PDCD6: variants seen among roughly 807,000 people sequenced by gnomAD.
PDCD6 encodes the protein programmed cell death 6, also known as programmed cell death protein 6.
PDCD6 carries 12 observed loss-of-function variants against 28.3 expected under a neutral mutation model. The observed-to-expected ratio is 0.42, with a 90% CI of 0.27 to 0.69. The LOEUF (loss-of-function observed/expected upper bound fraction) is 0.69, where lower values mean the gene tolerates loss of function less well. Among genes scored for constraint, PDCD6 ranks in the 30% least tolerant of loss-of-function variants. The pLI, the probability that PDCD6 is intolerant of heterozygous loss-of-function variation, is 0.22. For missense variants in PDCD6, 226 were observed against 269.9 expected, an observed-to-expected ratio of 0.84 and a Z score of 1.14; for synonymous variants, 92 against 108.0, an observed-to-expected ratio of 0.85 and a Z score of 0.92.
intron 2 of PDCD6, 153 bp downstream of exon 2, chr5:272,925 T>G: frequency 7.4e-7 from 1 of 1,354,122 alleles, no homozygotes; most frequent in South Asian, 1.3e-5. Context: ...TGCTTCTGGT[T>G]TATTTTGTGG....
At chr5:274,504 G>A (rs889502194) in intron 2 of PDCD6, among the ~76,000 whole-genome samples, 1 of 152,210 alleles carries the variant, frequency 6.6e-6, no homozygotes, top group African/African-American at 2.4e-5. Flanking sequence ...TGCATGCGAG[G>A]TGTTTCCGTG....
intron 2 of PDCD6, among the ~76,000 whole-genome samples, chr5:287,610 C>T (rs1360741251): frequency 1.3e-5 from 2 of 152,138 alleles, no homozygotes; most frequent in African/African-American, 4.8e-5. Context: ...TACATCTTTT[C>T]AATCAGTTAG....
At chr5:299,852 A>AT (rs542188646) in intron 2 of PDCD6, among the ~76,000 whole-genome samples, 22,288 of 149,426 alleles carry the variant, frequency 0.15, 5,140 homozygotes, top group African/African-American at 0.5. Flanking sequence ...CCCAGCTGGT[A>AT]TTTTTTTTTT....
intron 4 of PDCD6, chr5:310,021 GTGCACACCAGTGATGGCCTCTGTCCCCCA>G (rs1740802068): frequency 3.8e-6 from 1 of 265,252 alleles, no homozygotes; most frequent in Admixed American, 6.1e-5. Flanking sequence ...CGCCGTCCCC[GTGCACACCAGTGATGGCCTCTGTCCCCCA>G]TGCACTCCCA....
intron 2 of PDCD6, among the ~76,000 whole-genome samples, chr5:279,388 G>C (rs1021004784): frequency 6.6e-6 from 1 of 152,096 alleles, no homozygotes; most frequent in Non-Finnish European, 1.5e-5. Context: ...TTTTCCCCAC[G>C]AGATATGCGT....
At chr5:279,797 A>C (rs187606385) in intron 2 of PDCD6, among the ~76,000 whole-genome samples, 11 of 148,832 alleles carry the variant, frequency 7.4e-5, no homozygotes, top group East Asian at 3.9e-4. Flanking sequence ...AAAAAAAAAA[A>C]AAAAAAAAAC....
At chr5:311,480 A>G in intron 5 of PDCD6, 78 bp downstream of exon 5, 1 of 918,904 alleles carries the variant, frequency 1.1e-6, no homozygotes, top group Non-Finnish European at 1.8e-6. Context: ...CTGACCTTCA[A>G]TCTAAGGAGC....
At chr5:290,551 G>A (rs986039173) in intron 2 of PDCD6, among the ~76,000 whole-genome samples, 1 of 152,190 alleles carries the variant, frequency 6.6e-6, no homozygotes, top group Admixed American at 6.5e-5. Flanking sequence ...ATGGCGCCTG[G>A]CACGTCACCC....
At chr5:274,660 T>G (rs930978146) in intron 2 of PDCD6, among the ~76,000 whole-genome samples, 1 of 152,154 alleles carries the variant, frequency 6.6e-6, no homozygotes, top group Non-Finnish European at 1.5e-5. Context: ...GGTTTCCACT[T>G]ACTCAACACT....
At chr5:299,398 G>GCC (rs1435393621) in intron 2 of PDCD6, among the ~76,000 whole-genome samples, 74 of 149,826 alleles carry the variant, frequency 4.9e-4, no homozygotes, top group African/African-American at 1.8e-3. Flanking sequence ...ACCGTGATCA[G>GCC]CCCATCGGTT....
chr5:303,943 G>A (rs1740300181), intron 2 of PDCD6, among the ~76,000 whole-genome samples: 1 of 151,678 alleles, frequency 6.6e-6, no homozygotes, highest in Admixed American at 6.5e-5. Flanking sequence ...GGACGGCCTT[G>A]GAGGTCTGGG....
At chr5:302,985 G>GA (rs1376802316) in intron 2 of PDCD6, among the ~76,000 whole-genome samples, 4 of 152,260 alleles carry the variant, frequency 2.6e-5, no homozygotes, top group Non-Finnish European at 4.4e-5. Context: ...GGGAAGTTGG[G>GA]AGGTGCTCAG....
chr5:285,597 C>T (rs2126708685), intron 2 of PDCD6, among the ~76,000 whole-genome samples: 1 of 150,340 alleles, frequency 6.7e-6, no homozygotes, highest in East Asian at 2.0e-4. Context: ...GAGGGCCCTG[C>T]AGCTGGAGAC....
intron 4 of PDCD6, chr5:309,115 C>G (rs547769111): frequency 1.3e-5 from 2 of 152,454 alleles, no homozygotes; most frequent in African/African-American, 4.8e-5. Context: ...CCCAGGGAGC[C>G]TCAGCCTGTT....
intron 2 of PDCD6, among the ~76,000 whole-genome samples, chr5:286,204 C>T (rs573917134): frequency 3.1e-4 from 45 of 147,200 alleles, no homozygotes; most frequent in African/African-American, 8.9e-4. Flanking sequence ...GCTGATGTTC[C>T]GGTTTGAGGG....
At chr5:279,803 A>C (rs1465377815) in intron 2 of PDCD6, among the ~76,000 whole-genome samples, 3 of 145,194 alleles carry the variant, frequency 2.1e-5, no homozygotes, top group Non-Finnish European at 1.5e-5. Flanking sequence ...AAAAAAAAAA[A>C]AAACGAGGAG....
At chr5:313,558 T>A (rs1433744992) in intron 5 of PDCD6, 1 of 152,248 alleles carries the variant, frequency 6.6e-6, no homozygotes, top group African/African-American at 2.4e-5. Context: ...ACCCTGAGGC[T>A]CAAGCGATCC....
At position 289,238 on chromosome 5, in the gene PDCD6, A is replaced by G. The variant is rs569218190; in HGVS notation, c.164-14939A>G. 521 of 608,638 alleles carry G rather than the reference A, an allele frequency of 8.6e-4. 1 individual carries two copies. The highest frequency in any genetic ancestry group is 1.1e-3 in the Admixed American group (32 of 29,106). 37.7% of individuals were successfully genotyped at this position (608,638 alleles called of 1,614,324 possible). A position where few individuals can be genotyped will look rare whatever the true frequency, so the allele number is the denominator to read the frequency against. On this transcript the variant is annotated intron_variant, in intron 2 of 5. Transcript: ENST00000264933. ...TAAGTTTCATGAATTCTGATGTTCT[A>G]TAATTCAAATCACATTCCCTGAAAT...
At chr5:299,771 G>C (rs377655230) in intron 2 of PDCD6, among the ~76,000 whole-genome samples, 36 of 152,178 alleles carry the variant, frequency 2.4e-4, no homozygotes, top group Middle Eastern at 3.4e-3. Context: ...GGATGGTCTC[G>C]ATCTCCTCAC....
Sources: allele counts gnomAD v4.1 joint callset (sites outside exome capture counted in the v4.1 genomes callset), GRCh38; gene constraint gnomAD v4.1.1; transcripts MANE v1.5; gene names NCBI Gene and HGNC (gene_info 2026-07-23, HGNC 2026-07-21).